The following SGCD variants were observed in gnomAD, a reference collection of about 807,000 sequenced individuals.
SGCD encodes the protein sarcoglycan delta, also known as delta-sarcoglycan.
A neutral mutation model predicts 36.6 loss-of-function variants in SGCD; 18 were observed. The observed-to-expected ratio is 0.49, with a 90% CI of 0.34 to 0.73. The LOEUF is 0.73. Ranked by LOEUF, SGCD falls within the 30% of genes least tolerant of loss-of-function variation. The pLI is 0.01. For missense variants in SGCD, 387 were observed against 346.7 expected (o/e 1.12, Z -0.92); for synonymous variants, 133 against 130.6 (o/e 1.02, Z -0.12).
At chr5:156,321,407 G>A (rs1002578780) in intron 3 of SGCD, among the ~76,000 whole-genome samples, 3 of 151,742 alleles carry the variant, frequency 2.0e-5, no homozygotes, top group Non-Finnish European at 4.4e-5. Context: ...GTGACAGAGC[G>A]AGACTCCGAC....
At chr5:155,750,481 G>T in the SGCD span, among the ~76,000 whole-genome samples, 1 of 152,074 alleles carries the variant, frequency 6.6e-6, no homozygotes, top group Non-Finnish European at 1.5e-5. Context: ...ATGAAAGGAT[G>T]CATTTAATTT....
At chr5:156,031,858 G>A (rs1262122318) in intron 1 of SGCD, among the ~76,000 whole-genome samples, 1 of 152,122 alleles carries the variant, frequency 6.6e-6, no homozygotes, top group African/African-American at 2.4e-5. Flanking sequence ...CAGGGCCCAA[G>A]TCCTAATGCC....
intron 1 of SGCD, among the ~76,000 whole-genome samples, chr5:156,074,412 CA>C: frequency 6.6e-6 from 1 of 152,056 alleles, no homozygotes; most frequent in East Asian, 1.9e-4. Context: ...AAAAAAATTG[CA>C]AAATTATTTT....
chr5:156,731,598 TC>T (rs923759537), intron 7 of SGCD, among the ~76,000 whole-genome samples: 1 of 150,042 alleles, frequency 6.7e-6, no homozygotes, highest in African/African-American at 2.4e-5. Flanking sequence ...TTGGTCTGTG[TC>T]TGCTCTTCTA....
At chr5:156,698,959 A>G (rs758043518) in intron 7 of SGCD, among the ~76,000 whole-genome samples, 9 of 152,100 alleles carry the variant, frequency 5.9e-5, no homozygotes, top group Non-Finnish European at 1.3e-4. Context: ...AAAGAGTTCT[A>G]AAAACATTGC....
At chr5:156,588,988 T>TTGTGTG (rs113243314) in intron 4 of SGCD, among the ~76,000 whole-genome samples, 4,197 of 143,108 alleles carry the variant, frequency 0.029, 66 homozygotes, top group South Asian at 0.061. Context: ...GGAATCTATA[T>TTGTGTG]TGTGTGTGTG....
chr5:156,202,870 G>T (rs1270300220), intron 3 of SGCD, among the ~76,000 whole-genome samples: 1 of 150,990 alleles, frequency 6.6e-6, no homozygotes, highest in African/African-American at 2.4e-5. Flanking sequence ...TGACATAACA[G>T]TGTTTCCCAA....
chr5:156,475,423 T>G (rs1184629460), intron 3 of SGCD, among the ~76,000 whole-genome samples: 3 of 152,304 alleles, frequency 2.0e-5, no homozygotes, highest in Middle Eastern at 3.4e-3. Context: ...CAGCTGAGAT[T>G]CATGCAGAAG....
At chr5:156,455,441 T>C (rs1223294427) in intron 3 of SGCD, among the ~76,000 whole-genome samples, 1 of 93,752 alleles carries the variant, frequency 1.1e-5, no homozygotes, top group Non-Finnish European at 2.0e-5. Flanking sequence ...GGGGAGAAAT[T>C]TCAAAGACTT....
At chr5:156,237,358 C>T (rs1211646387) in intron 3 of SGCD, among the ~76,000 whole-genome samples, 3 of 152,006 alleles carry the variant, frequency 2.0e-5, no homozygotes, top group Non-Finnish European at 4.4e-5. Flanking sequence ...GGTGTGGTGC[C>T]TCATGCCTGT....
At chr5:156,035,386 A>G (rs1759464138) in intron 1 of SGCD, among the ~76,000 whole-genome samples, 1 of 152,108 alleles carries the variant, frequency 6.6e-6, no homozygotes, top group Non-Finnish European at 1.5e-5. Context: ...CGGGAGGATC[A>G]CTTGAGGCCA....
intron 1 of SGCD, among the ~76,000 whole-genome samples, chr5:155,980,328 A>G (rs1758199439): frequency 1.3e-5 from 2 of 152,124 alleles, no homozygotes; most frequent in South Asian, 4.1e-4. Context: ...GTTCACGCCT[A>G]TAATCCCAGC....
chr5:155,877,601 C>T (rs1256804728), intron 1 of SGCD, among the ~76,000 whole-genome samples: 1 of 152,076 alleles, frequency 6.6e-6, no homozygotes, highest in Non-Finnish European at 1.5e-5. Context: ...CATTTTTCTA[C>T]AAACAGTCAA....
intron 7 of SGCD, among the ~76,000 whole-genome samples, chr5:156,696,206 T>TA (rs1754312459): frequency 6.6e-6 from 1 of 152,204 alleles, no homozygotes; most frequent in Non-Finnish European, 1.5e-5. Context: ...CATTGAGACT[T>TA]AGTTTCCAAC....
At chr5:156,129,425 G>A (rs1428348188) in intron 3 of SGCD, among the ~76,000 whole-genome samples, 1 of 152,116 alleles carries the variant, frequency 6.6e-6, no homozygotes, top group African/African-American at 2.4e-5. Context: ...TGACTCCAAG[G>A]CCTGGCTTAA....
chr5:156,437,713 G>A (rs1431981810), intron 3 of SGCD, among the ~76,000 whole-genome samples: 1 of 152,192 alleles, frequency 6.6e-6, no homozygotes, highest in Non-Finnish European at 1.5e-5. Context: ...TTGACTGCTG[G>A]ATACTTAAAT....
intron 3 of SGCD, among the ~76,000 whole-genome samples, chr5:156,426,452 A>C (rs1485514224): frequency 6.6e-6 from 1 of 152,048 alleles, no homozygotes; most frequent in African/African-American, 2.4e-5. Flanking sequence ...AGTTCCTTAT[A>C]GATTCTGAAT....
intron 6 of SGCD, among the ~76,000 whole-genome samples, chr5:156,613,050 T>C (rs907632008): frequency 6.6e-6 from 1 of 152,170 alleles, no homozygotes; most frequent in African/African-American, 2.4e-5. Flanking sequence ...GAGGAGATAA[T>C]GTGGCAGAGG....
chr5:156,028,722 G>T (rs1281838142), intron 1 of SGCD, among the ~76,000 whole-genome samples: 5 of 152,252 alleles, frequency 3.3e-5, no homozygotes, highest in Admixed American at 2.6e-4. Flanking sequence ...CACACATCAT[G>T]AGAAAGTCAT....
Sources: gnomAD v4.1 joint callset for allele counts (sites outside exome capture counted in the v4.1 genomes callset) on GRCh38, gnomAD v4.1.1 for gene constraint, MANE v1.5 for transcripts, NCBI Gene and HGNC (gene_info 2026-07-23, HGNC 2026-07-21) for gene names.